Variants in KDM2A observed in about 807,000 individuals in gnomAD.
KDM2A encodes the protein lysine demethylase 2A.
A neutral mutation model predicts 137.3 loss-of-function variants in KDM2A; 3 were observed. The observed-to-expected ratio is 0.02, with a 90% CI of 0.01 to 0.06. The LOEUF is 0.06. KDM2A is among the 10% of genes least tolerant of loss of function. The probability of loss-of-function intolerance (pLI) is 1.00; values close to 1 mark genes in which losing one functional copy is unlikely to be tolerated. For missense variants in KDM2A, 738 were observed against 1,510.6 expected (o/e 0.49, Z 8.48); for synonymous variants, 512 against 541.5 (o/e 0.95, Z 0.76).
rs1236623387 is a variant in KDM2A at position 67,119,569 on chromosome 11, G to GCGCGC, written c.-555_-551dup. ...GAGGGGAGCCAGGGCCCCCATCCCG[G>GCGCGC]CGCGCCGCGCCGCTCCCGCCCTGTC... is the stretch of plus-strand genomic sequence containing the variant. On this transcript the variant is annotated 5_prime_UTR_variant, in exon 1 of 21. Coordinates refer to ENST00000529006, the MANE Select transcript of KDM2A (RefSeq NM_012308.3). 1 of 150,826 alleles carries GCGCGC rather than the reference G, an allele frequency of 6.6e-6. No homozygotes were observed. The highest frequency in any genetic ancestry group is 1.5e-5 in the Non-Finnish European group (1 of 67,602). The allele number at this position is 150,826 out of a possible 1,614,324, so 9.3% of individuals were successfully genotyped here.
At chr11:67,162,233 T>G (rs1856651985) in intron 2 of KDM2A, among the ~76,000 whole-genome samples, 1 of 152,180 alleles carries the variant, frequency 6.6e-6, no homozygotes, top group African/African-American at 2.4e-5. Context: ...CACCAGAGTT[T>G]CTCTTCTTAC....
chr11:67,171,638 T>C (rs1463333303), intron 2 of KDM2A, among the ~76,000 whole-genome samples: 4 of 152,256 alleles, frequency 2.6e-5, no homozygotes, highest in Admixed American at 6.5e-5. Context: ...CAGCTTTACC[T>C]TTCTGTTTCT....
Position 67,253,601 on chromosome 11 carries a change from T to A in KDM2A, c.3081T>A (p.Ala1027=). 6.2e-7 allele frequency: 1 copy of A among 1,613,940 alleles called. No individual in the cohort carries two copies. Among genetic ancestry groups the A allele is most frequent in the South Asian group, 1.1e-5 (1 of 91,074 alleles). ...PQIRDLLTPP[A]DKPGQDNRSK... ...TTCGGGACTTGCTTACTCCACCGGC[T>A]GATAAACCAGGTATGCTCTGGACCT... Residue 1027 remains alanine (A), a synonymous_variant, in exon 19 of 21, where the codon GCT becomes GCA. Transcript: ENST00000529006.
intron 5 of KDM2A, among the ~76,000 whole-genome samples, chr11:67,202,725 G>A (rs1452763273): frequency 6.7e-6 from 1 of 148,908 alleles, no homozygotes; most frequent in Non-Finnish European, 1.5e-5. Flanking sequence ...GCAGTGAGCC[G>A]AGATCGCGCC....
chr11:67,190,173 G>A (rs530353237), intron 5 of KDM2A, among the ~76,000 whole-genome samples: 18 of 152,328 alleles, frequency 1.2e-4, no homozygotes, highest in African/African-American at 3.8e-4. Context: ...ACTTTGGGAG[G>A]CCGAGGCGGG....
At chr11:67,138,049 G>C (rs1425781094) in intron 2 of KDM2A, among the ~76,000 whole-genome samples, 1 of 152,118 alleles carries the variant, frequency 6.6e-6, no homozygotes, top group African/African-American at 2.4e-5. Context: ...GCCTGCCTCA[G>C]CCTCCCAAAG....
chr11:67,130,437 G>A (rs1239155723), intron 2 of KDM2A, among the ~76,000 whole-genome samples: 1 of 152,162 alleles, frequency 6.6e-6, no homozygotes, highest in South Asian at 2.1e-4. Context: ...GAGCCACCAT[G>A]CCCGGCCTTA....
chr11:67,146,550 C>A lies in KDM2A; in HGVS notation c.42+25192C>A, dbSNP rs77667801. 4.8e-3 allele frequency among the ~76,000 whole-genome samples: 732 copies of A among 152,136 alleles called. 5 individuals carry two copies. The highest frequency in any genetic ancestry group is 7.2e-3 in the Non-Finnish European group (489 of 67,994). On this transcript the variant is annotated intron_variant, in intron 2 of 20. Transcript: ENST00000529006. ...TTGAGACAGGGTCTCACTTTGTTAT[C>A]CACGCTGGAGTGCAGTGGCATAATC...
intron 2 of KDM2A, among the ~76,000 whole-genome samples, chr11:67,179,128 G>A (rs1857031978): frequency 6.6e-6 from 1 of 151,994 alleles, no homozygotes; most frequent in African/African-American, 2.4e-5. Context: ...GTGGTTTTTG[G>A]TTTGCATTTT....
chr11:67,244,717 G>A (rs1033783761), intron 13 of KDM2A, among the ~76,000 whole-genome samples: 1 of 152,070 alleles, frequency 6.6e-6, no homozygotes, highest in African/African-American at 2.4e-5. Context: ...CGGGTGTGGT[G>A]GCTCACACCT....
At chr11:67,239,567 A>G (rs1244727782) in intron 12 of KDM2A, among the ~76,000 whole-genome samples, 2 of 152,158 alleles carry the variant, frequency 1.3e-5, no homozygotes. Flanking sequence ...ATAACTCAAG[A>G]GGAACTCAGC....
intron 11 of KDM2A, among the ~76,000 whole-genome samples, chr11:67,229,642 G>A (rs546244060): frequency 3.9e-5 from 6 of 151,986 alleles, no homozygotes; most frequent in South Asian, 2.1e-4. Context: ...AGGCTGAGGC[G>A]GGCGGATCAT....
chr11:67,187,548 T>TTTTA (rs138753050), intron 5 of KDM2A, among the ~76,000 whole-genome samples: 17,425 of 147,482 alleles, frequency 0.12, 1,114 homozygotes, highest in African/African-American at 0.15. Flanking sequence ...ATTTAATTGA[T>TTTTA]TTTATTTATT....
intron 9 of KDM2A, 26 bp from the exon 10 acceptor site, chr11:67,219,262 A>C (rs1351604165): frequency 7.9e-7 from 1 of 1,262,388 alleles, no homozygotes; most frequent in African/African-American, 1.5e-5. Flanking sequence ...GTTTTCAGCC[A>C]CTGCCCTCTG....
intron 12 of KDM2A, among the ~76,000 whole-genome samples, chr11:67,233,059 A>G (rs993377417): frequency 6.6e-6 from 1 of 152,192 alleles, no homozygotes; most frequent in Non-Finnish European, 1.5e-5. Context: ...CCTCCTAAGT[A>G]ACAATTAATG....
At chr11:67,134,406 A>G (rs1046460277) in intron 2 of KDM2A, among the ~76,000 whole-genome samples, 7 of 152,238 alleles carry the variant, frequency 4.6e-5, no homozygotes, top group Non-Finnish European at 7.3e-5. Context: ...TACAAGGTTG[A>G]CAAACCCTGA....
intron 2 of KDM2A, among the ~76,000 whole-genome samples, chr11:67,146,366 A>G (rs78043817): frequency 0.044 from 6,618 of 152,080 alleles, 192 homozygotes; most frequent in Non-Finnish European, 0.062. Flanking sequence ...CTTACTTTTT[A>G]TAGATCCTGA....
chr11:67,255,677 G>A lies in KDM2A; in HGVS notation c.*622G>A. ...TTGGTTCTGCCCAGCACTCGTGCTT[G>A]TTCACATAATTAGGTTTCCCACCCC... On this transcript the variant is annotated 3_prime_UTR_variant, in exon 21 of 21. Transcript: ENST00000529006. 1 of 420,660 alleles carries A rather than the reference G, an allele frequency of 2.4e-6. No homozygotes were observed. The highest frequency in any genetic ancestry group is 1.7e-5 in the South Asian group (1 of 59,798). The allele number at this position is 420,660 out of a possible 1,614,324, so 26.1% of individuals were successfully genotyped here. A position where few individuals can be genotyped will look rare whatever the true frequency, so the allele number is the denominator to read the frequency against.
rs191956108 is a variant in KDM2A, at chr11:67,221,830, G to C, written c.957+2427G>C. ...CATGCCTGTAATCCTAGCTACTGGG[G>C]AGGCTGAGGTGAGAGGATTGCTTGA... On this transcript the variant is annotated intron_variant, in intron 10 of 20. Coordinates refer to ENST00000529006, the MANE Select transcript of KDM2A (RefSeq NM_012308.3). 6.6e-5 allele frequency among the ~76,000 whole-genome samples: 10 copies of C among 152,106 alleles called. No individual in the cohort carries two copies. The East Asian group carries it at 1.9e-3, about 29-fold the overall frequency.
Sources: allele counts gnomAD v4.1 joint callset (sites outside exome capture counted in the v4.1 genomes callset), GRCh38; gene constraint gnomAD v4.1.1; transcripts MANE v1.5; gene names NCBI Gene and HGNC (gene_info 2026-07-23, HGNC 2026-07-21).